Variants in PEX3 observed in about 807,000 individuals in gnomAD.
The protein encoded by PEX3 is peroxisomal biogenesis factor 3.
In PEX3, 30 loss-of-function variants were observed where a neutral mutation model predicts 55.8. The observed-to-expected ratio is 0.54, with a 90% confidence interval of 0.40 to 0.73. The LOEUF (loss-of-function observed/expected upper bound fraction) is 0.73, where lower values mean the gene tolerates loss of function less well. Among genes scored for constraint, PEX3 ranks in the 30% least tolerant of loss-of-function variants. The pLI, the probability that PEX3 is intolerant of heterozygous loss-of-function variation, is 0.00. For missense variants in PEX3, 351 were observed against 432.8 expected, an observed-to-expected ratio of 0.81 and a Z score of 1.68; for synonymous variants, 135 against 148.4, an observed-to-expected ratio of 0.91 and a Z score of 0.66.
In PEX3 at chr6:143,471,217, A is replaced by G. The variant is rs1317132519; in HGVS notation, c.456+132A>G. The stretch of plus-strand genomic sequence containing the variant: ...CATGTGATTGTGAACTTTTAGTATT[A>G]TGAATAATTTTTATATGTTGAAACT... On this transcript the variant is annotated intron_variant, in intron 5 of 11. Coordinates refer to ENST00000367591, the MANE Select transcript of PEX3 (RefSeq NM_003630.3). The surrounding 1 kb of genome is among the most constrained non-coding windows in gnomAD (Gnocchi z 5.4). 2 of 1,018,788 alleles carry G rather than the reference A, an allele frequency of 2.0e-6. No individual in the cohort carries two copies. Among genetic ancestry groups the G allele is most frequent in the Non-Finnish European group, 3.0e-6 (2 of 674,314 alleles). The allele number at this position is 1,018,788 out of a possible 1,614,324, so 63.1% of individuals were successfully genotyped here.
In PEX3 at chr6:143,479,638, C is replaced by T. The variant is rs185044821; in HGVS notation, c.941+440C>T. Among the ~76,000 whole-genome samples, 150 of 152,082 alleles carry T rather than the reference C, an allele frequency of 9.9e-4. 1 individual carries two copies. Among genetic ancestry groups the T allele is most frequent in the Admixed American group, 6.3e-3 (96 of 15,276 alleles). On this transcript the variant is annotated intron_variant, in intron 10 of 11. Coordinates refer to ENST00000367591, the MANE Select transcript of PEX3 (RefSeq NM_003630.3). The surrounding 1 kb of genome is among the most constrained non-coding windows in gnomAD (Gnocchi z 4.6). ...AGATTCTCATTTGATGAATTAGCTC[C>T]TTATAGTTCTACAAATGCTTAAATG... is the stretch of plus-strand genomic sequence containing the variant.
At chr6:143,474,644 G>T in intron 8 of PEX3, 142 bp from the exon 9 acceptor site, 5 of 638,746 alleles carry the variant, frequency 7.8e-6, no homozygotes, top group Non-Finnish European at 1.4e-5. Flanking sequence ...TTTTATTTTG[G>T]TGGGGGAGGG....
chr6:143,485,047 T>C lies in PEX3; in HGVS notation c.942-105T>C. The C allele has an allele frequency of 1.3e-6, 1 of 752,012 alleles. No individual in the cohort carries two copies. Among genetic ancestry groups the C allele is most frequent in the Admixed American group, 2.0e-5 (1 of 50,646 alleles). The allele number at this position is 752,012 out of a possible 1,614,324, so 46.6% of individuals were successfully genotyped here. On this transcript the variant is annotated intron_variant, in intron 10 of 11. Coordinates refer to ENST00000367591, the MANE Select transcript of PEX3 (RefSeq NM_003630.3). The surrounding 1 kb of genome is among the most constrained non-coding windows in gnomAD (Gnocchi z 5.6). ...GGGGTTTTTTTTCCTTTTTAATAGA[T>C]TTCCAAAAATATTCTACAATGGCTA...
rs1780331980 is a variant in PEX3, at chr6:143,487,067, A to T, written c.1038+1819A>T. On this transcript the variant is annotated intron_variant, in intron 11 of 11. Coordinates refer to ENST00000367591, the MANE Select transcript of PEX3 (RefSeq NM_003630.3). The surrounding 1 kb of genome is among the most constrained non-coding windows in gnomAD (Gnocchi z 5.3). Reference sequence around the variant, plus strand: ...AAGGTAGGAAATGGGAGAATCAGAAAACAATCGAGAAAGGTGGTTTTTCAA... The same window carrying T: ...AAGGTAGGAAATGGGAGAATCAGAATACAATCGAGAAAGGTGGTTTTTCAA... Among the ~76,000 whole-genome samples the T allele has an allele frequency of 6.6e-6, 1 of 152,194 alleles. No homozygotes were observed. Among genetic ancestry groups the T allele is most frequent in the African/African-American group, 2.4e-5 (1 of 41,462 alleles).
Position 143,459,215 on chromosome 6 carries a change from A to T in PEX3, c.204A>T (p.Thr68=), listed in dbSNP as rs1288643870. ...FESNQRTCNM[T]VLSMLPTLRE... ...GTAACCAGAGGACTTGCAATATGAC[A>T]GGTAAGACAGAGAAATATTTATACA... The change falls in exon 2 of 12, where the codon ACA becomes ACT. Residue 68 remains threonine, a splice_region_variant and synonymous_variant. Transcript: ENST00000367591. The surrounding 1 kb of genome is among the most constrained non-coding windows in gnomAD (Gnocchi z 4.2). 2.5e-6 allele frequency: 4 copies of T among 1,611,688 alleles called. No individual in the cohort carries two copies. The highest frequency in any genetic ancestry group is 3.4e-6 in the Non-Finnish European group (4 of 1,178,020).
chr6:143,472,969 A>G (rs1780095602), intron 8 of PEX3, among the ~76,000 whole-genome samples: 1 of 152,218 alleles, frequency 6.6e-6, no homozygotes, highest in African/African-American at 2.4e-5. Flanking sequence ...ATTGATTAAA[A>G]ATAATAGAAA....
Position 143,451,452 on chromosome 6 carries a change from G to A in PEX3, c.73+337G>A, listed in dbSNP as rs1415771850. On this transcript the variant is annotated intron_variant, in intron 1 of 11. Transcript: ENST00000367591. The surrounding 1 kb of genome is among the most constrained non-coding windows in gnomAD (Gnocchi z 4.1). ...TTTTTAAAAAAAATTCTGCTTTCCT[G>A]TGAGATTCTGCATTTCTCCTTGGCA... Among the ~76,000 whole-genome samples the A allele has an allele frequency of 6.6e-6, 1 of 152,110 alleles. No homozygotes were observed. Among genetic ancestry groups the A allele is most frequent in the African/African-American group, 2.4e-5 (1 of 41,410 alleles).
intron 2 of PEX3, among the ~76,000 whole-genome samples, chr6:143,460,865 A>C (rs1215707428): frequency 8.9e-6 from 1 of 112,848 alleles, no homozygotes; most frequent in African/African-American, 5.2e-5. Context: ...ACTCTGTCTC[A>C]AAAAAAAAAA....
rs1318109242 is a variant in PEX3 at position 143,486,054 on chromosome 6, G to A, written c.1038+806G>A. On this transcript the variant is annotated intron_variant, in intron 11 of 11. Transcript: ENST00000367591. This position sits in a 1 kb window ranked among gnomAD's most constrained non-coding sequence, Gnocchi z 5.0. ...GTAGACTTTTTACTCTTGGGAACGT[G>A]GAGAGCACTGAGACTAAGAGTTCGT... Among the ~76,000 whole-genome samples, 1 of 152,086 alleles carries A rather than the reference G, an allele frequency of 6.6e-6. No homozygotes were observed. Among genetic ancestry groups the A allele is most frequent in the Non-Finnish European group, 1.5e-5 (1 of 67,998 alleles).
Position 143,462,981 on chromosome 6 carries a change from GCTCTGCT to G in PEX3, c.272_278del (p.Ala91GlufsTer9). The G allele has an allele frequency of 6.2e-7, 1 of 1,613,224 alleles. No homozygotes were observed. The highest frequency in any genetic ancestry group is 8.5e-7 in the Non-Finnish European group (1 of 1,179,264). ...GCAACTGAATTCCGAGAGCCTCACAGCTCTGCTAAAAAACAGGTAAATGCAAGTTACA... is the reference window on the plus strand; with the variant it reads ...GCAACTGAATTCCGAGAGCCTCACAGAAAAAACAGGTAAATGCAAGTTACA... On this transcript the variant is annotated frameshift_variant, in exon 3 of 12. Coordinates refer to ENST00000367591, the MANE Select transcript of PEX3 (RefSeq NM_003630.3). LOFTEE classifies it high-confidence loss of function. The surrounding 1 kb of genome is among the most constrained non-coding windows in gnomAD (Gnocchi z 4.1).
In PEX3 at chr6:143,487,954, G is replaced by A. The variant is rs550137945; in HGVS notation, c.1039-1189G>A. Among the ~76,000 whole-genome samples the A allele has an allele frequency of 7.9e-5, 12 of 152,168 alleles. No homozygotes were observed. In the East Asian group the frequency reaches 2.3e-3, roughly 29 times the overall value. ...TTTTATCTTCTCAATAATCAAGAGC[G>A]TGTTTGAGTTTTCTTTACATTTTCA... On this transcript the variant is annotated intron_variant, in intron 11 of 11. Transcript: ENST00000367591. The surrounding 1 kb of genome is among the most constrained non-coding windows in gnomAD (Gnocchi z 5.3).
intron 4 of PEX3, among the ~76,000 whole-genome samples, chr6:143,469,306 T>A (rs1020252686): frequency 3.3e-5 from 5 of 152,208 alleles, no homozygotes; most frequent in Admixed American, 3.3e-4. Flanking sequence ...TGTAAAAGTG[T>A]TCCTATTTCT....
In PEX3 at chr6:143,463,013, A is replaced by G. The variant is rs760341614; in HGVS notation, c.287+16A>G. The G allele has an allele frequency of 8.2e-6, 13 of 1,580,482 alleles. No individual in the cohort carries two copies. The Admixed American group carries it at 1.2e-4, about 14-fold the overall frequency. On this transcript the variant is annotated intron_variant, in intron 3 of 11. Coordinates refer to ENST00000367591, the MANE Select transcript of PEX3 (RefSeq NM_003630.3). This position sits in a 1 kb window ranked among gnomAD's most constrained non-coding sequence, Gnocchi z 5.7. ...TAAAAAACAGGTAAATGCAAGTTAC[A>G]GCATTTTCTGTTTAAGCACTACACT...
At chr6:143,452,220 G>A (rs1779782934) in intron 1 of PEX3, among the ~76,000 whole-genome samples, 1 of 152,150 alleles carries the variant, frequency 6.6e-6, no homozygotes, top group South Asian at 2.1e-4. Context: ...CTGAGCCAAG[G>A]ATGGTGTTTT....
rs1475061968 is a variant in PEX3 at position 143,482,934 on chromosome 6, G to A, written c.942-2218G>A. On this transcript the variant is annotated intron_variant, in intron 10 of 11. Transcript: ENST00000367591. The surrounding 1 kb of genome is among the most constrained non-coding windows in gnomAD (Gnocchi z 5.5). ...ATATAAAAGAAGTCTAGGTTTGACT[G>A]TATAATTTTTAAAACTTCAAGATCA... 6.6e-6 allele frequency among the ~76,000 whole-genome samples: 1 copy of A among 152,092 alleles called. No individual in the cohort carries two copies. The highest frequency in any genetic ancestry group is 1.5e-5 in the Non-Finnish European group (1 of 67,982).
intron 4 of PEX3, among the ~76,000 whole-genome samples, 163 bp downstream of exon 4, chr6:143,468,328 A>C (rs1369415120): frequency 1.3e-5 from 2 of 152,214 alleles, no homozygotes; most frequent in African/African-American, 4.8e-5. Context: ...CTGGTCATAG[A>C]AAGCATTCAG....
intron 3 of PEX3, among the ~76,000 whole-genome samples, chr6:143,467,756 C>T (rs751292780): frequency 2.6e-5 from 4 of 151,802 alleles, no homozygotes; most frequent in Non-Finnish European, 5.9e-5. Context: ...TGTTTATGAT[C>T]GTAAAACAAA....
At chr6:143,461,106 A>T (rs1779912171) in intron 2 of PEX3, among the ~76,000 whole-genome samples, 1 of 152,166 alleles carries the variant, frequency 6.6e-6, no homozygotes, top group African/African-American at 2.4e-5. Context: ...GAAAAAGACA[A>T]GGAAGGAAGA....
rs753827484 is a variant in PEX3, at chr6:143,489,119, A to G, written c.1039-24A>G. The G allele has an allele frequency of 4.1e-6, 6 of 1,481,054 alleles. No homozygotes were observed. Among genetic ancestry groups the G allele is most frequent in the Non-Finnish European group, 5.7e-6 (6 of 1,058,932 alleles). 91.7% of individuals were successfully genotyped at this position (1,481,054 alleles called of 1,614,324 possible). The stretch of plus-strand genomic sequence containing the variant: ...TTAGCTATATGTTTTGCAAACTATA[A>G]TGTTATATTATCATCTTTGCTAGGA... On this transcript the variant is annotated intron_variant, in intron 11 of 11. Transcript: ENST00000367591. The surrounding 1 kb of genome is among the most constrained non-coding windows in gnomAD (Gnocchi z 5.5).
Sources: gnomAD v4.1 joint callset for allele counts (sites outside exome capture counted in the v4.1 genomes callset) on GRCh38, gnomAD v4.1.1 for gene constraint, Gnocchi (gnomAD v3.1) non-coding constraint, MANE v1.5 for transcripts, NCBI Gene and HGNC (gene_info 2026-07-23, HGNC 2026-07-21) for gene names.